The following DOK6 variants were observed in gnomAD, a reference collection of about 807,000 sequenced individuals.
DOK6 encodes downstream of tyrosine kinase 6.
Under a neutral mutation model 44.0 loss-of-function variants are expected in DOK6, and 22 were observed. That is an observed-to-expected ratio of 0.50 (90% confidence interval 0.36 to 0.71). DOK6 has a LOEUF of 0.71. Among genes scored for constraint, DOK6 ranks in the 30% least tolerant of loss-of-function variants. The pLI, the probability that DOK6 is intolerant of heterozygous loss-of-function variation, is 0.00. For synonymous variants in DOK6, 166 were observed against 145.5 expected (o/e 1.14, Z -1.01); for missense variants, 340 against 416.4 (o/e 0.82, Z 1.60).
intron 4 of DOK6, among the ~76,000 whole-genome samples, chr18:69,691,228 T>TAAAAAAAA (rs559790661): frequency 6.9e-6 from 1 of 144,478 alleles, no homozygotes; most frequent in African/African-American, 2.6e-5. Context: ...AATAAATAAA[T>TAAAAAAAA]AAAAATATAG....
chr18:69,679,305 C>A (rs980112438), intron 4 of DOK6, among the ~76,000 whole-genome samples: 11 of 152,188 alleles, frequency 7.2e-5, no homozygotes, highest in Non-Finnish European at 1.5e-4. Context: ...CTGTCAACAG[C>A]CATTGCTAGC....
intron 2 of DOK6, 118 bp downstream of exon 2, chr18:69,564,712 C>A: frequency 2.7e-6 from 2 of 749,298 alleles, no homozygotes; most frequent in South Asian, 1.9e-5. Context: ...GAAAAATGCC[C>A]TTTTCTGATA....
intron 1 of DOK6, among the ~76,000 whole-genome samples, chr18:69,434,946 G>A (rs1460744700): frequency 8.1e-6 from 1 of 123,704 alleles, no homozygotes; most frequent in Non-Finnish European, 1.8e-5. Flanking sequence ...GAGGGAGGGA[G>A]GGAGGGAGGG....
At chr18:69,563,168 T>A (rs1447647721) in intron 1 of DOK6, among the ~76,000 whole-genome samples, 6 of 152,204 alleles carry the variant, frequency 3.9e-5, no homozygotes, top group Admixed American at 3.3e-4. Flanking sequence ...CTGGAGAGGA[T>A]GTGGAGAAAT....
At chr18:69,442,873 G>T (rs1266333219) in intron 1 of DOK6, among the ~76,000 whole-genome samples, 1 of 152,064 alleles carries the variant, frequency 6.6e-6, no homozygotes, top group East Asian at 1.9e-4. Context: ...TACCTTACTG[G>T]GAGGTGCATA....
At chr18:69,463,693 A>ATG (rs1210260543) in intron 1 of DOK6, among the ~76,000 whole-genome samples, 3 of 150,838 alleles carry the variant, frequency 2.0e-5, no homozygotes, top group Non-Finnish European at 4.4e-5. Flanking sequence ...GTGGGTGTCT[A>ATG]TGTGTGTGTG....
chr18:69,829,357 C>A lies in DOK6; in HGVS notation c.857-11887C>A, dbSNP rs148814891. Among the ~76,000 whole-genome samples the A allele has an allele frequency of 2.5e-3, 382 of 151,950 alleles. 3 individuals are homozygous for A. Among genetic ancestry groups the A allele is most frequent in the African/African-American group, 8.7e-3 (363 of 41,508 alleles). On this transcript the variant is annotated intron_variant, in intron 7 of 7. Coordinates refer to ENST00000382713, the MANE Select transcript of DOK6 (RefSeq NM_152721.6). ...AGACAAAAACTAACACTATTGTTAT[C>A]TAATATTATCCTGCACCATTATGTA...
chr18:69,705,735 A>T (rs2144710249), intron 5 of DOK6, among the ~76,000 whole-genome samples: 1 of 152,312 alleles, frequency 6.6e-6, no homozygotes, highest in African/African-American at 2.4e-5. Context: ...AATTTTTCAA[A>T]TGCCTTTCAT....
At chr18:69,500,033 C>T (rs1391686650) in intron 1 of DOK6, among the ~76,000 whole-genome samples, 3 of 152,150 alleles carry the variant, frequency 2.0e-5, no homozygotes, top group Non-Finnish European at 2.9e-5. Flanking sequence ...AATCTGACTT[C>T]CTGGCTTCCC....
intron 5 of DOK6, among the ~76,000 whole-genome samples, chr18:69,718,092 A>C (rs1432194555): frequency 6.6e-6 from 1 of 152,254 alleles, no homozygotes; most frequent in Non-Finnish European, 1.5e-5. Flanking sequence ...TCCATATCCA[A>C]CAGCTGATGA....
intron 7 of DOK6, among the ~76,000 whole-genome samples, chr18:69,783,445 TC>T (rs893399832): frequency 5.9e-5 from 9 of 152,312 alleles, no homozygotes; most frequent in African/African-American, 1.7e-4. Flanking sequence ...TTCCACCTCT[TC>T]CTTTTTGGAT....
intron 1 of DOK6, among the ~76,000 whole-genome samples, chr18:69,516,698 G>A (rs192076383): frequency 7.1e-6 from 1 of 141,036 alleles, no homozygotes; most frequent in East Asian, 2.0e-4. Flanking sequence ...TTTTTCTTTT[G>A]AGGCGGAGTC....
chr18:69,604,896 C>T (rs1168428954), intron 3 of DOK6, among the ~76,000 whole-genome samples: 5 of 152,058 alleles, frequency 3.3e-5, no homozygotes, highest in African/African-American at 9.7e-5. Context: ...TTTGAGGGTA[C>T]AGGTGCAGTT....
chr18:69,672,006 A>G (rs887989059), intron 3 of DOK6, among the ~76,000 whole-genome samples: 3 of 152,184 alleles, frequency 2.0e-5, no homozygotes, highest in African/African-American at 7.2e-5. Flanking sequence ...CTCATCTGAT[A>G]TTTAGGGGCT....
At chr18:69,487,046 C>A (rs1980595941) in intron 1 of DOK6, among the ~76,000 whole-genome samples, 2 of 152,072 alleles carry the variant, frequency 1.3e-5, no homozygotes, top group African/African-American at 2.4e-5. Context: ...CCTTTCCTGT[C>A]AGGGCCTGTT....
At chr18:69,800,926 G>A (rs9962323) in intron 7 of DOK6, among the ~76,000 whole-genome samples, 2 of 151,940 alleles carry the variant, frequency 1.3e-5, no homozygotes, top group African/African-American at 4.8e-5. Flanking sequence ...ATGTTCTTCT[G>A]AGTAAAATAA....
chr18:69,782,950 T>C (rs867447948), intron 7 of DOK6, among the ~76,000 whole-genome samples: 3 of 152,202 alleles, frequency 2.0e-5, no homozygotes, highest in African/African-American at 4.8e-5. Flanking sequence ...GTGTGTGCCC[T>C]GTAGCCCACG....
At chr18:69,736,649 C>CTGT (rs1978618074) in intron 5 of DOK6, among the ~76,000 whole-genome samples, 1 of 152,186 alleles carries the variant, frequency 6.6e-6, no homozygotes, top group Admixed American at 6.5e-5. Flanking sequence ...GGGGGTTCAA[C>CTGT]TGTAACACCT....
At chr18:69,643,167 A>G (rs1272256610) in intron 3 of DOK6, among the ~76,000 whole-genome samples, 2 of 152,228 alleles carry the variant, frequency 1.3e-5, no homozygotes, top group Non-Finnish European at 2.9e-5. Flanking sequence ...ATGAAGTTGT[A>G]GGAAATAACA....
Sources: allele counts gnomAD v4.1 joint callset (sites outside exome capture counted in the v4.1 genomes callset), GRCh38; gene constraint gnomAD v4.1.1; transcripts MANE v1.5; gene names NCBI Gene and HGNC (gene_info 2026-07-23, HGNC 2026-07-21).